Variants in PTPRA observed in about 807,000 individuals in gnomAD.
PTPRA encodes the protein protein tyrosine phosphatase receptor type A.
A neutral mutation model predicts 104.8 loss-of-function variants in PTPRA; 25 were observed. The observed-to-expected ratio is 0.24, with a 90% CI of 0.17 to 0.33. The LOEUF is 0.33. Ranked by LOEUF, PTPRA falls within the 10% of genes least tolerant of loss-of-function variation. The pLI is 1.00. For missense variants in PTPRA, 765 were observed against 1,015.3 expected, an observed-to-expected ratio of 0.75 and a Z score of 3.35; for synonymous variants, 323 against 368.9, an observed-to-expected ratio of 0.88 and a Z score of 1.43.
intron 9 of PTPRA, among the ~76,000 whole-genome samples, chr20:3,004,376 T>C (rs1019232836): frequency 6.6e-6 from 1 of 152,272 alleles, no homozygotes; most frequent in African/African-American, 2.4e-5. Context: ...CTCAAGTTCA[T>C]ACAAACACAG....
intron 13 of PTPRA, among the ~76,000 whole-genome samples, chr20:3,019,258 C>T (rs1240854304): frequency 6.6e-6 from 1 of 150,416 alleles, no homozygotes; most frequent in Non-Finnish European, 1.5e-5. Flanking sequence ...GGGGCTGACC[C>T]CCCCACCTCC....
At chr20:3,011,214 C>A (rs1227399153) in intron 11 of PTPRA, among the ~76,000 whole-genome samples, 1 of 152,120 alleles carries the variant, frequency 6.6e-6, no homozygotes, top group Non-Finnish European at 1.5e-5. Context: ...AAATGGGGGA[C>A]CTTATGAACT....
intron 1 of PTPRA, among the ~76,000 whole-genome samples, chr20:2,916,677 C>T (rs1012904053): frequency 8.5e-5 from 13 of 152,070 alleles, no homozygotes; most frequent in Non-Finnish European, 1.9e-4. Context: ...TGCACTCCAG[C>T]CTGGGTGACA....
At chr20:3,008,669 T>A (rs1038248910) in intron 11 of PTPRA, among the ~76,000 whole-genome samples, 9 of 145,622 alleles carry the variant, frequency 6.2e-5, no homozygotes, top group Admixed American at 1.4e-4. Flanking sequence ...AGGCGGTGGA[T>A]CACTTGAGGT....
intron 20 of PTPRA, among the ~76,000 whole-genome samples, chr20:3,028,173 G>A (rs1259017383): frequency 1.3e-5 from 2 of 150,582 alleles, no homozygotes; most frequent in Non-Finnish European, 2.9e-5. Context: ...CCTTTGCACA[G>A]TGCCCCAGGC....
At chr20:3,026,101 AC>A (rs2065131782) in intron 17 of PTPRA, among the ~76,000 whole-genome samples, 1 of 151,108 alleles carries the variant, frequency 6.6e-6, no homozygotes, top group Admixed American at 6.6e-5. Context: ...ACGTGCCACT[AC>A]CCCCGGCTAA....
upstream of PTPRA, among the ~76,000 whole-genome samples, chr20:2,872,588 T>C: frequency 6.6e-6 from 1 of 152,198 alleles, no homozygotes; most frequent in East Asian, 1.9e-4. The surrounding 1 kb of genome is among the most constrained non-coding windows in gnomAD (Gnocchi z 7.9). Context: ...CCACCACCTA[T>C]CTCGACTGCG....
At chr20:2,952,451 A>G (rs1321459670) in intron 3 of PTPRA, among the ~76,000 whole-genome samples, 1 of 152,166 alleles carries the variant, frequency 6.6e-6, no homozygotes, top group Non-Finnish European at 1.5e-5. Context: ...AGTTCTTTAT[A>G]TATCTGGATA....
chr20:2,875,059 C>T (rs1450051951), intron 1 of PTPRA, among the ~76,000 whole-genome samples: 1 of 152,200 alleles, frequency 6.6e-6, no homozygotes, highest in African/African-American at 2.4e-5. Flanking sequence ...TTCTATCTCC[C>T]GTGGTGGGAG....
At chr20:2,886,874 A>AG (rs1256844474) in intron 1 of PTPRA, among the ~76,000 whole-genome samples, 4 of 132,422 alleles carry the variant, frequency 3.0e-5, no homozygotes, top group South Asian at 3.0e-4. Flanking sequence ...AAAAAGGAAA[A>AG]GAAAAAAAAG....
At chr20:3,015,303 C>CTTTTTTT (rs778457233) in intron 11 of PTPRA, among the ~76,000 whole-genome samples, 1 of 134,650 alleles carries the variant, frequency 7.4e-6, no homozygotes, top group African/African-American at 2.8e-5. Flanking sequence ...CTTTCTTTTT[C>CTTTTTTT]TTTTTTTTTT....
Position 3,038,041 on chromosome 20 carries a change from C to T in PTPRA, c.2335-18C>T, listed in dbSNP as rs2065890828. ...TTCTTCAGTAACCCTGACTTTTTCC[C>T]TACCTTTCACTCTCCAGGAACAGTA... On this transcript the variant is annotated intron_variant, in intron 23 of 23. Coordinates refer to ENST00000399903, the MANE Select transcript of PTPRA (RefSeq NM_001385305.1). 6.3e-7 allele frequency: 1 copy of T among 1,595,280 alleles called. No individual in the cohort carries two copies. Among genetic ancestry groups the T allele is most frequent in the Non-Finnish European group, 8.6e-7 (1 of 1,164,936 alleles).
In PTPRA at chr20:2,923,325, C is replaced by T. The variant is rs76841757; in HGVS notation, c.-50+40C>T. ...ACCAGAACTGTGAGGAGGCTTTTGC[C>T]AGCCAAGTAGTGTCCTTAAATAAAG... On this transcript the variant is annotated intron_variant, in intron 2 of 23. Coordinates refer to ENST00000399903, the MANE Select transcript of PTPRA (RefSeq NM_001385305.1). 10,869 of 1,260,540 alleles carry T rather than the reference C, an allele frequency of 8.6e-3. 523 individuals are homozygous for T. The Admixed American group carries it at 0.13, about 15-fold the overall frequency. The allele number at this position is 1,260,540 out of a possible 1,614,324, so 78.1% of individuals were successfully genotyped here. A position where few individuals can be genotyped will look rare whatever the true frequency, so the allele number is the denominator to read the frequency against.
chr20:2,913,079 T>G (rs1662238697), intron 1 of PTPRA, among the ~76,000 whole-genome samples: 1 of 151,926 alleles, frequency 6.6e-6, no homozygotes, highest in African/African-American at 2.4e-5. Flanking sequence ...TTAATGAGCA[T>G]TAAATCTGGA....
chr20:2,937,306 G>T (rs549838724), intron 2 of PTPRA, among the ~76,000 whole-genome samples: 1 of 151,982 alleles, frequency 6.6e-6, no homozygotes, highest in East Asian at 1.9e-4. Context: ...TGTATTTTTA[G>T]TAGAGATGAG....
chr20:2,951,754 T>G (rs2061361084), intron 3 of PTPRA, among the ~76,000 whole-genome samples: 1 of 152,208 alleles, frequency 6.6e-6, no homozygotes, highest in South Asian at 2.1e-4. Context: ...CATGGCATGG[T>G]GTGCACCTTC....
chr20:2,944,617 CAAATT>C (rs1320481879), intron 2 of PTPRA, among the ~76,000 whole-genome samples: 3 of 152,160 alleles, frequency 2.0e-5, no homozygotes, highest in East Asian at 1.9e-4. Flanking sequence ...AGGGCCAACT[CAAATT>C]AAAGGAATGG....
chr20:2,980,938 C>G (rs537488684), intron 6 of PTPRA, among the ~76,000 whole-genome samples: 80 of 152,260 alleles, frequency 5.3e-4, no homozygotes, highest in Middle Eastern at 3.4e-3. Flanking sequence ...TCAGTGATGG[C>G]TCAGGAAAAT....
intron 1 of PTPRA, among the ~76,000 whole-genome samples, chr20:2,905,107 C>T (rs1241658665): frequency 1.3e-5 from 2 of 152,146 alleles, no homozygotes; most frequent in Non-Finnish European, 2.9e-5. Flanking sequence ...CTACTGCGAA[C>T]TGTACACTCC....
Sources: allele counts gnomAD v4.1 joint callset (sites outside exome capture counted in the v4.1 genomes callset), GRCh38; gene constraint gnomAD v4.1.1; non-coding constraint Gnocchi (gnomAD v3.1); transcripts MANE v1.5; gene names NCBI Gene and HGNC (gene_info 2026-07-23, HGNC 2026-07-21).